The following HLCS variants were observed in gnomAD, a reference collection of about 807,000 sequenced individuals.
The protein encoded by HLCS is biotin--protein ligase.
In HLCS, 53 loss-of-function variants were observed where a neutral mutation model predicts 75.0. The observed-to-expected ratio is 0.71, with a 90% confidence interval of 0.57 to 0.89. HLCS has a LOEUF of 0.89. Among genes scored for constraint, HLCS ranks in the 40% least tolerant of loss-of-function variants. The pLI, the probability that HLCS is intolerant of heterozygous loss-of-function variation, is 0.00. For missense variants in HLCS, 966 were observed against 1,074.0 expected, an observed-to-expected ratio of 0.90 and a Z score of 1.41; for synonymous variants, 431 against 428.6, an observed-to-expected ratio of 1.01 and a Z score of -0.07.
intron 1 of HLCS, among the ~76,000 whole-genome samples, chr21:36,976,471 C>G (rs1267839966): frequency 6.6e-6 from 1 of 152,034 alleles, no homozygotes; most frequent in Non-Finnish European, 1.5e-5. Flanking sequence ...GCAATCCCAG[C>G]TACTCGGGAG....
chr21:36,971,186 A>G (rs777852549), upstream of HLCS, among the ~76,000 whole-genome samples: 75 of 152,306 alleles, frequency 4.9e-4, no homozygotes, highest in Middle Eastern at 6.8e-3. Context: ...ATCTTTAACT[A>G]TTGGAAATAT....
chr21:36,825,910 G>A (rs2061993135), intron 6 of HLCS, among the ~76,000 whole-genome samples: 1 of 152,202 alleles, frequency 6.6e-6, no homozygotes, highest in African/African-American at 2.4e-5. Context: ...GGGCAGGGGA[G>A]CCATAGAGTG....
In HLCS at chr21:36,966,550, C is replaced by T; in HGVS notation, c.89G>A (p.Arg30His). The change falls in exon 1 of 11, where the codon CGT becomes CAT. Residue 30 changes from arginine (R) to histidine (H), a missense_variant. Coordinates refer to ENST00000674895, the MANE Select transcript of HLCS (RefSeq NM_001352514.2). ...ELVRATVRRL[R>H]ASRCSFTFCG... ...GAAGGTGAAGGAACAGCGCGAGGCACGCAGCCGCCGCACCGTGGCGCGCAC... is the reference window on the plus strand; with the variant it reads ...GAAGGTGAAGGAACAGCGCGAGGCATGCAGCCGCCGCACCGTGGCGCGCAC... The T allele has an allele frequency of 1.0e-6, 1 of 1,001,570 alleles. No individual in the cohort carries two copies. The highest frequency in any genetic ancestry group is 1.2e-6 in the Non-Finnish European group (1 of 842,744). The allele number at this position is 1,001,570 out of a possible 1,614,324, so 62.0% of individuals were successfully genotyped here.
At chr21:36,901,918 A>T (rs1029186547) in intron 5 of HLCS, among the ~76,000 whole-genome samples, 2 of 152,186 alleles carry the variant, frequency 1.3e-5, no homozygotes, top group East Asian at 1.9e-4. Context: ...GATCAAAAAG[A>T]GTGTGCAAAA....
intron 5 of HLCS, among the ~76,000 whole-genome samples, chr21:36,920,268 G>A (rs1004340082): frequency 2.0e-5 from 3 of 151,510 alleles, no homozygotes; most frequent in Non-Finnish European, 4.4e-5. Context: ...AGGAGTTCAA[G>A]GCTGCAGTGA....
intron 6 of HLCS, among the ~76,000 whole-genome samples, chr21:36,813,468 T>TCA (rs2061570790): frequency 6.6e-6 from 1 of 152,158 alleles, no homozygotes; most frequent in African/African-American, 2.4e-5. Flanking sequence ...CAAGCAGGGA[T>TCA]CATGGGAGAA....
intron 1 of HLCS, chr21:36,974,940 C>G (rs1181096899): frequency 6.6e-6 from 1 of 152,146 alleles, no homozygotes; most frequent in East Asian, 1.9e-4. Context: ...GTCTCTAACC[C>G]CTCTCTCAAC....
upstream of HLCS, among the ~76,000 whole-genome samples, chr21:36,969,383 A>C (rs2068723117): frequency 6.6e-6 from 1 of 152,174 alleles, no homozygotes; most frequent in African/African-American, 2.4e-5. Flanking sequence ...GGAAGCTCGC[A>C]AGAAAAGCGG....
intron 6 of HLCS, among the ~76,000 whole-genome samples, chr21:36,779,327 C>T (rs918039269): frequency 6.6e-6 from 1 of 151,932 alleles, no homozygotes; most frequent in Non-Finnish European, 1.5e-5. Context: ...TTCCTTCTTT[C>T]TTTCTTCCTT....
intron 6 of HLCS, among the ~76,000 whole-genome samples, chr21:36,838,258 A>T (rs2062482483): frequency 6.6e-6 from 1 of 151,558 alleles, no homozygotes; most frequent in African/African-American, 2.4e-5. Flanking sequence ...GTAGCTGGTC[A>T]CAATGGGAGT....
upstream of HLCS, among the ~76,000 whole-genome samples, chr21:36,969,293 T>C (rs1483514666): frequency 6.6e-6 from 1 of 152,220 alleles, no homozygotes; most frequent in Non-Finnish European, 1.5e-5. Context: ...GGGATATTAA[T>C]GTGTATGCAC....
chr21:36,929,788 C>T (rs1431374091), intron 5 of HLCS, among the ~76,000 whole-genome samples: 2 of 152,240 alleles, frequency 1.3e-5, no homozygotes, highest in Non-Finnish European at 2.9e-5. Flanking sequence ...AGAGAATTCC[C>T]GAACACATTC....
intron 6 of HLCS, among the ~76,000 whole-genome samples, chr21:36,888,209 G>C (rs1746455947): frequency 6.6e-6 from 1 of 151,612 alleles, no homozygotes; most frequent in Admixed American, 6.6e-5. Flanking sequence ...CCCAATTTCT[G>C]TCCTCTCGGG....
chr21:36,952,838 G>C (rs183229163), intron 2 of HLCS, among the ~76,000 whole-genome samples: 1 of 137,636 alleles, frequency 7.3e-6, no homozygotes, highest in Non-Finnish European at 1.7e-5. Context: ...CATTCAGCAA[G>C]AAGGTCTTAA....
chr21:36,862,088 T>C (rs767045201), intron 6 of HLCS, among the ~76,000 whole-genome samples: 1 of 152,248 alleles, frequency 6.6e-6, no homozygotes, highest in Non-Finnish European at 1.5e-5. Flanking sequence ...AGCATAATGT[T>C]TTCAAGGTTC....
intron 6 of HLCS, among the ~76,000 whole-genome samples, chr21:36,869,511 AT>A (rs2063698944): frequency 6.6e-6 from 1 of 152,168 alleles, no homozygotes; most frequent in Admixed American, 6.5e-5. Flanking sequence ...TTCAAACCTC[AT>A]TTCTTTCCTA....
intron 6 of HLCS, among the ~76,000 whole-genome samples, chr21:36,820,540 A>G (rs1412570490): frequency 2.0e-5 from 3 of 152,266 alleles, no homozygotes; most frequent in African/African-American, 7.2e-5. Flanking sequence ...TGACCCAGCC[A>G]GGTGTGCACA....
At chr21:36,889,014 G>C (rs1451234091) in intron 6 of HLCS, among the ~76,000 whole-genome samples, 1 of 152,112 alleles carries the variant, frequency 6.6e-6, no homozygotes, top group Non-Finnish European at 1.5e-5. Context: ...ACTGGCACAG[G>C]CACTAGGATC....
chr21:36,893,725 G>A (rs529519017), intron 6 of HLCS, among the ~76,000 whole-genome samples: 14 of 152,292 alleles, frequency 9.2e-5, no homozygotes, highest in South Asian at 2.1e-4. Context: ...GACAGGGGGC[G>A]GGGCTCAGCC....
Sources: allele counts gnomAD v4.1 joint callset (sites outside exome capture counted in the v4.1 genomes callset), GRCh38; gene constraint gnomAD v4.1.1; transcripts MANE v1.5; gene names NCBI Gene and HGNC (gene_info 2026-07-23, HGNC 2026-07-21).